BDKRB2: variants seen among roughly 807,000 people sequenced by gnomAD.
BDKRB2 encodes bradykinin receptor B2.
In BDKRB2, 6 loss-of-function variants were observed where a neutral mutation model predicts 4.0. That is an observed-to-expected ratio of 1.49 (90% confidence interval 0.81 to 2.93). The LOEUF is 2.93. Ranked by LOEUF, BDKRB2 falls within the 30% of genes most tolerant of loss-of-function variation. BDKRB2 has a pLI of 0.00. For synonymous variants in BDKRB2, 225 were observed against 215.3 expected, an observed-to-expected ratio of 1.05 and a Z score of -0.40; for missense variants, 478 against 520.1, an observed-to-expected ratio of 0.92 and a Z score of 0.79.
intron 1 of BDKRB2, among the ~76,000 whole-genome samples, chr14:96,217,770 C>G (rs781296352): frequency 3.5e-4 from 54 of 152,280 alleles, no homozygotes; most frequent in Admixed American, 6.5e-4. Context: ...ATCCAGGAAG[C>G]CCCCAGGCTC....
chr14:96,230,807 G>A (rs1890802075), intron 1 of BDKRB2, among the ~76,000 whole-genome samples: 1 of 152,268 alleles, frequency 6.6e-6, no homozygotes, highest in Non-Finnish European at 1.5e-5. Context: ...GTAGAAGTGA[G>A]GTTTCACCAT....
In BDKRB2 at chr14:96,240,891, T is replaced by C; in HGVS notation, c.563T>C (p.Leu188Pro). The change falls in exon 3 of 3, where the codon CTG becomes CCG. Residue 188 changes from leucine to proline, a missense_variant. Leu to Pro is a moderately conservative substitution (Grantham distance 98). Coordinates refer to ENST00000554311, the MANE Select transcript of BDKRB2 (RefSeq NM_001379692.1). ...GTGATCTGGGGGTGTACGCTGCTCC[T>C]GAGCTCACCCATGCTGGTGTTCCGG... Reference protein sequence around the residue: ...SLVIWGCTLLLSSPMLVFRTM... With the variant: ...SLVIWGCTLLPSSPMLVFRTM... 6.3e-7 allele frequency: 1 copy of C among 1,596,146 alleles called. No individual in the cohort carries two copies. The highest frequency in any genetic ancestry group is 8.5e-7 in the Non-Finnish European group (1 of 1,171,308).
At chr14:96,231,843 T>TGCAC (rs1890825799) in intron 1 of BDKRB2, among the ~76,000 whole-genome samples, 1 of 152,232 alleles carries the variant, frequency 6.6e-6, no homozygotes, top group Admixed American at 6.5e-5. Flanking sequence ...ATGCACTTTA[T>TGCAC]GCACGCATGC....
rs775517421 is a variant in BDKRB2 at position 96,240,468 on chromosome 14, G to A, written c.140G>A (p.Cys47Tyr). ...TLNGTFAQSK[C>Y]PQVEWLGWLN... ...AACGGGACCTTTGCCCAGAGCAAAT[G>A]CCCCCAAGTGGAGTGGCTGGGCTGG... The change falls in exon 3 of 3, where the codon TGC becomes TAC. Residue 47 changes from cysteine to tyrosine, a missense_variant. Physicochemically the swap from Cys to Tyr is radical, Grantham distance 194. Coordinates refer to ENST00000554311, the MANE Select transcript of BDKRB2 (RefSeq NM_001379692.1). 6.6e-7 allele frequency: 1 copy of A among 1,516,068 alleles called. No individual in the cohort carries two copies. The highest frequency in any genetic ancestry group is 8.8e-7 in the Non-Finnish European group (1 of 1,134,230). The allele number at this position is 1,516,068 out of a possible 1,614,324, so 93.9% of individuals were successfully genotyped here.
rs200990944 is a variant in BDKRB2 at position 96,241,585 on chromosome 14, G to A, written c.*81G>A. ...TTCAGCATGGGCCCAGGAATGCCAAGGAGACATCTATGCACGACCTTGGGA... is the reference window on the plus strand; with the variant it reads ...TTCAGCATGGGCCCAGGAATGCCAAAGAGACATCTATGCACGACCTTGGGA... On this transcript the variant is annotated 3_prime_UTR_variant, in exon 3 of 3. Coordinates refer to ENST00000554311, the MANE Select transcript of BDKRB2 (RefSeq NM_001379692.1). The A allele has an allele frequency of 1.4e-6, 2 of 1,478,728 alleles. No individual in the cohort carries two copies. The highest frequency in any genetic ancestry group is 1.8e-6 in the Non-Finnish European group (2 of 1,122,240). The allele number at this position is 1,478,728 out of a possible 1,614,324, so 91.6% of individuals were successfully genotyped here.
chr14:96,227,630 T>C (rs7154191), intron 1 of BDKRB2, among the ~76,000 whole-genome samples: 30,663 of 150,992 alleles, frequency 0.2, 3,765 homozygotes, highest in South Asian at 0.28. Flanking sequence ...CACACACACA[T>C]ATATACACAC....
Position 96,208,706 on chromosome 14 carries a change from A to G in BDKRB2, c.-40+3747A>G, listed in dbSNP as rs1890241890. On this transcript the variant is annotated intron_variant, in intron 1 of 2. Coordinates refer to ENST00000554311, the MANE Select transcript of BDKRB2 (RefSeq NM_001379692.1). ...TGTCCAGAAAAAAGCCCTGTCCGAC[A>G]TGCACACACTCCTGTGTCCAGGCAA... Among the ~76,000 whole-genome samples, 3 of 152,164 alleles carry G rather than the reference A, an allele frequency of 2.0e-5. No homozygotes were observed. In the South Asian group the frequency reaches 6.2e-4, roughly 32 times the overall value.
Position 96,241,788 on chromosome 14 carries a change from T to A in BDKRB2, c.*284T>A, listed in dbSNP as rs1333767652. ...GAGCCAGCCTGCTCCTTCCCAGGAG[T>A]GGAGGAGGCCTGGGGGCAGGGAGAG... On this transcript the variant is annotated 3_prime_UTR_variant, in exon 3 of 3. Coordinates refer to ENST00000554311, the MANE Select transcript of BDKRB2 (RefSeq NM_001379692.1). The A allele has an allele frequency of 3.3e-6, 1 of 302,294 alleles. No individual in the cohort carries two copies. The highest frequency in any genetic ancestry group is 2.2e-5 in the African/African-American group (1 of 46,368). 18.7% of individuals were successfully genotyped at this position (302,294 alleles called of 1,614,324 possible). A position where few individuals can be genotyped will look rare whatever the true frequency, so the allele number is the denominator to read the frequency against.
chr14:96,240,111 A>C, intron 2 of BDKRB2: 1 of 1,138,588 alleles, frequency 8.8e-7, no homozygotes, highest in African/African-American at 1.6e-5. Flanking sequence ...TCAAGGGTCC[A>C]ACACTTGAGA....
chr14:96,234,083 C>G (rs984687639), intron 1 of BDKRB2: 5 of 152,362 alleles, frequency 3.3e-5, no homozygotes, highest in African/African-American at 9.6e-5. Context: ...TGGAGCACCC[C>G]CTCCCCGCCT....
chr14:96,237,122 G>A lies in BDKRB2; in HGVS notation c.15G>A (p.Trp5Ter). Residue 5 changes from tryptophan (W) to a stop codon, truncating the protein, a stop_gained, in exon 2 of 3, where the codon TGG becomes TGA. Transcript: ENST00000554311. LOFTEE classifies it high-confidence loss of function. The part of the protein sequence containing the change: MFSP[W>*]KISMFLSVRE... Reference sequence around the variant, plus strand: ...TCTGAGTCCAAATGTTCTCTCCCTGGAAGATATCAATGTTTCTGTCTGTTC... The same window carrying A: ...TCTGAGTCCAAATGTTCTCTCCCTGAAAGATATCAATGTTTCTGTCTGTTC... The A allele has an allele frequency of 1.9e-6, 3 of 1,614,042 alleles. No individual in the cohort carries two copies. Among genetic ancestry groups the A allele is most frequent in the Non-Finnish European group, 2.5e-6 (3 of 1,179,904 alleles).
chr14:96,226,387 C>T (rs1427657743), intron 1 of BDKRB2, among the ~76,000 whole-genome samples: 2 of 152,216 alleles, frequency 1.3e-5, no homozygotes, highest in Non-Finnish European at 2.9e-5. Context: ...GGTGCGGTGA[C>T]TCAAGCCTGT....
intron 1 of BDKRB2, among the ~76,000 whole-genome samples, chr14:96,211,850 G>C (rs926123491): frequency 6.6e-6 from 1 of 152,146 alleles, no homozygotes; most frequent in Admixed American, 6.5e-5. Context: ...TGCGAAGGCC[G>C]GTGCATTACA....
chr14:96,222,674 G>A (rs539086372), intron 1 of BDKRB2, among the ~76,000 whole-genome samples: 1 of 152,186 alleles, frequency 6.6e-6, no homozygotes, highest in Non-Finnish European at 1.5e-5. Flanking sequence ...GCAGTGACCA[G>A]CCACATGCAG....
At chr14:96,239,209 T>C (rs1885197862) in intron 2 of BDKRB2, 2 of 985,170 alleles carry the variant, frequency 2.0e-6, no homozygotes, top group African/African-American at 3.5e-5. Flanking sequence ...CCCTCTGGGT[T>C]GTGCTTTGGA....
At chr14:96,227,489 A>C (rs1236441782) in intron 1 of BDKRB2, among the ~76,000 whole-genome samples, 1 of 152,164 alleles carries the variant, frequency 6.6e-6, no homozygotes, top group Non-Finnish European at 1.5e-5. Context: ...GGACATCTCC[A>C]GGCACTTGAC....
intron 1 of BDKRB2, among the ~76,000 whole-genome samples, chr14:96,211,949 G>A (rs139525821): frequency 2.0e-5 from 3 of 152,268 alleles, no homozygotes; most frequent in Middle Eastern, 3.4e-3. Flanking sequence ...GGACACAGCC[G>A]GCGGTGCATT....
intron 1 of BDKRB2, among the ~76,000 whole-genome samples, chr14:96,209,518 A>G (rs1890257365): frequency 6.6e-6 from 1 of 152,210 alleles, no homozygotes; most frequent in East Asian, 1.9e-4. Context: ...GGAAAAAAGC[A>G]GGCAGTAGGG....
At chr14:96,220,781 C>T (rs1890541937) in intron 1 of BDKRB2, among the ~76,000 whole-genome samples, 1 of 151,984 alleles carries the variant, frequency 6.6e-6, no homozygotes, top group African/African-American at 2.4e-5. Flanking sequence ...GTCCAGGCAT[C>T]CTGGCTCAAA....
Sources: allele counts gnomAD v4.1 joint callset (sites outside exome capture counted in the v4.1 genomes callset), GRCh38; gene constraint gnomAD v4.1.1; transcripts MANE v1.5; gene names NCBI Gene and HGNC (gene_info 2026-07-23, HGNC 2026-07-21).